Variants in OSBPL10 observed in about 807,000 individuals in gnomAD.
OSBPL10 encodes the protein oxysterol binding protein like 10.
OSBPL10 carries 49 observed loss-of-function variants against 81.7 expected under a neutral mutation model. That is an observed-to-expected ratio of 0.60 (90% CI 0.48 to 0.76). The LOEUF is 0.76. Ranked by LOEUF, OSBPL10 falls within the 30% of genes least tolerant of loss-of-function variation. The pLI is 0.00. For synonymous variants in OSBPL10, 419 were observed against 383.6 expected, an observed-to-expected ratio of 1.09 and a Z score of -1.08; for missense variants, 923 against 987.8, an observed-to-expected ratio of 0.93 and a Z score of 0.88.
intron 6 of OSBPL10, among the ~76,000 whole-genome samples, chr3:31,708,214 A>G (rs1696134220): frequency 6.6e-6 from 1 of 152,240 alleles, no homozygotes; most frequent in Non-Finnish European, 1.5e-5. Flanking sequence ...CTGGGATCAC[A>G]GGCATGAACC....
At chr3:31,771,201 T>C (rs1025139762) in intron 4 of OSBPL10, among the ~76,000 whole-genome samples, 1 of 152,130 alleles carries the variant, frequency 6.6e-6, no homozygotes, top group African/African-American at 2.4e-5. Flanking sequence ...TAAATGAGAT[T>C]ACACTCAGAG....
intron 5 of OSBPL10, among the ~76,000 whole-genome samples, chr3:31,743,738 C>T (rs1697431383): frequency 6.6e-6 from 1 of 152,216 alleles, no homozygotes. Context: ...TTTGGTAATG[C>T]TTCAGGTAAG....
intron 1 of OSBPL10, among the ~76,000 whole-genome samples, chr3:31,928,422 T>C (rs546246778): frequency 2.0e-5 from 3 of 152,192 alleles, no homozygotes; most frequent in Admixed American, 6.5e-5. Context: ...CCAAGTATCC[T>C]ACTCTTGATT....
At chr3:31,915,184 T>C (rs1575613388) in intron 1 of OSBPL10, among the ~76,000 whole-genome samples, 2 of 151,770 alleles carry the variant, frequency 1.3e-5, no homozygotes, top group Non-Finnish European at 2.9e-5. Flanking sequence ...TAAATAGCCA[T>C]TGAATGGTAA....
At chr3:31,685,013 G>T (rs1400391081) in intron 7 of OSBPL10, among the ~76,000 whole-genome samples, 3 of 152,022 alleles carry the variant, frequency 2.0e-5, no homozygotes, top group African/African-American at 4.8e-5. Context: ...TCACTCAGGG[G>T]GCTCTACAAC....
intron 4 of OSBPL10, among the ~76,000 whole-genome samples, chr3:31,761,243 G>C (rs897251170): frequency 2.6e-5 from 4 of 152,142 alleles, no homozygotes; most frequent in African/African-American, 7.2e-5. Flanking sequence ...GGAGGCCAAG[G>C]TAGGCAGATC....
At chr3:31,779,989 T>A (rs1484495988) in intron 4 of OSBPL10, among the ~76,000 whole-genome samples, 1 of 152,132 alleles carries the variant, frequency 6.6e-6, no homozygotes, top group African/African-American at 2.4e-5. Flanking sequence ...AATTAAAAAA[T>A]TCTTTGAACT....
chr3:31,851,890 G>C (rs1700776229), intron 3 of OSBPL10, among the ~76,000 whole-genome samples: 1 of 152,166 alleles, frequency 6.6e-6, no homozygotes, highest in Non-Finnish European at 1.5e-5. Flanking sequence ...TCCCTTTCTG[G>C]GGGAGATGCC....
intron 2 of OSBPL10, among the ~76,000 whole-genome samples, chr3:31,996,516 G>T (rs1221537772): frequency 6.6e-6 from 1 of 151,994 alleles, no homozygotes; most frequent in Non-Finnish European, 1.5e-5. Context: ...AAGGGGGTTA[G>T]TGGACCTTAA....
chr3:31,831,105 A>C (rs1700228275), intron 3 of OSBPL10, among the ~76,000 whole-genome samples: 1 of 152,108 alleles, frequency 6.6e-6, no homozygotes, highest in South Asian at 2.1e-4. Context: ...TGAAATCCAA[A>C]AGCTATACCA....
Position 31,839,005 on chromosome 3 carries a change from C to T in OSBPL10, c.538-8774G>A, listed in dbSNP as rs562103468. On this transcript the variant is annotated intron_variant, in intron 3 of 11. Coordinates refer to ENST00000396556, the MANE Select transcript of OSBPL10 (RefSeq NM_017784.5). ...CTGCTTCCCCTCAAGGATGGCCTTT[C>T]TCAGGCCAGAGATGGTATCTAACCA... 5.3e-5 allele frequency among the ~76,000 whole-genome samples: 8 copies of T among 152,330 alleles called. No individual in the cohort carries two copies. The South Asian group carries it at 1.7e-3, about 32-fold the overall frequency.
chr3:31,698,825 C>T (rs907696126), intron 7 of OSBPL10, among the ~76,000 whole-genome samples: 5 of 152,190 alleles, frequency 3.3e-5, no homozygotes, highest in African/African-American at 9.7e-5. Flanking sequence ...GAGGGACCCC[C>T]GTCCCACCAC....
chr3:31,664,430 T>C (rs187926592), intron 10 of OSBPL10, 198 bp from the exon 11 acceptor site: 2 of 604,888 alleles, frequency 3.3e-6, no homozygotes, highest in African/African-American at 1.8e-5. Context: ...GTGTTGTTTC[T>C]ACTCTCCGCT....
intron 2 of OSBPL10, among the ~76,000 whole-genome samples, chr3:31,995,948 C>G (rs1699086903): frequency 6.6e-6 from 1 of 152,078 alleles, no homozygotes; most frequent in African/African-American, 2.4e-5. Context: ...GACAAAATGC[C>G]CTGTGGAGGG....
At chr3:32,017,066 C>G (rs1391789147) in intron 2 of OSBPL10, among the ~76,000 whole-genome samples, 8 of 152,116 alleles carry the variant, frequency 5.3e-5, no homozygotes, top group African/African-American at 1.4e-4. Flanking sequence ...AAGTTTTGCC[C>G]TTTAAGAGAT....
At position 31,683,944 on chromosome 3, in the gene OSBPL10, G is replaced by T. The variant is rs920603381; in HGVS notation, c.1416C>A (p.Gly472=). Residue 472 remains glycine, a synonymous_variant, in exon 8 of 12, where the codon GGC becomes GGA. Coordinates refer to ENST00000396556, the MANE Select transcript of OSBPL10 (RefSeq NM_017784.5). ...GGTTGTAGGGCTTCTTGGCTAAAGC[G>T]CCCTTGCGGCCCTCGTGAAAGGCTG... ...YLTAFHEGRK[G]ALAKKPYNPI... 1 of 1,614,236 alleles carries T rather than the reference G, an allele frequency of 6.2e-7. No homozygotes were observed. Among genetic ancestry groups the T allele is most frequent in the Non-Finnish European group, 8.5e-7 (1 of 1,180,046 alleles).
intron 5 of OSBPL10, among the ~76,000 whole-genome samples, chr3:31,746,539 G>A (rs368822883): frequency 1.3e-4 from 20 of 152,074 alleles, no homozygotes; most frequent in South Asian, 4.2e-4. Context: ...TTAGTCGGGT[G>A]TGGTGGTGCA....
At chr3:31,872,296 T>C (rs6550079) in intron 3 of OSBPL10, among the ~76,000 whole-genome samples, 5,822 of 152,256 alleles carry the variant, frequency 0.038, 388 homozygotes, top group African/African-American at 0.13. Flanking sequence ...TGAGGCTAGA[T>C]GTCAGAGCAA....
chr3:32,007,766 G>A (rs1699217995), intron 2 of OSBPL10, among the ~76,000 whole-genome samples: 1 of 151,962 alleles, frequency 6.6e-6, no homozygotes, highest in Admixed American at 6.6e-5. Flanking sequence ...GAGTGCAATG[G>A]CACCATCTCA....
Sources: allele counts gnomAD v4.1 joint callset (sites outside exome capture counted in the v4.1 genomes callset), GRCh38; gene constraint gnomAD v4.1.1; transcripts MANE v1.5; gene names NCBI Gene and HGNC (gene_info 2026-07-23, HGNC 2026-07-21).